Variants in FNTB observed in about 807,000 individuals in gnomAD.
FNTB encodes the protein farnesyltransferase, CAAX box, subunit beta, also known as protein farnesyltransferase subunit beta.
Under a neutral mutation model 59.4 loss-of-function variants are expected in FNTB, and 27 were observed. The observed-to-expected ratio is 0.45, with a 90% CI of 0.34 to 0.63. FNTB has a LOEUF of 0.63. FNTB is among the 20% of genes least tolerant of loss of function. The pLI, the probability that FNTB is intolerant of heterozygous loss-of-function variation, is 0.02. For synonymous variants in FNTB, 230 were observed against 220.7 expected (o/e 1.04, Z -0.37); for missense variants, 449 against 559.6 (o/e 0.80, Z 1.99).
chr14:64,999,479 T>G (rs1454708405), intron 1 of FNTB, among the ~76,000 whole-genome samples: 1 of 152,140 alleles, frequency 6.6e-6, no homozygotes, highest in Non-Finnish European at 1.5e-5. Flanking sequence ...GTGGGGAGAA[T>G]GATAAACTGG....
Position 64,989,158 on chromosome 14 carries a change from A to G in FNTB, c.144+2061A>G, listed in dbSNP as rs921460138. On this transcript the variant is annotated intron_variant, in intron 1 of 11. Transcript: ENST00000246166. ...AGCTCAATTTTGTGCCATTGCCAGTAAAAACAAATTGATGGCTGACACCTG... is the reference window on the plus strand; with the variant it reads ...AGCTCAATTTTGTGCCATTGCCAGTGAAAACAAATTGATGGCTGACACCTG... Among the ~76,000 whole-genome samples, 7 of 152,016 alleles carry G rather than the reference A, an allele frequency of 4.6e-5. No individual in the cohort carries two copies. The East Asian group carries it at 5.8e-4, about 13-fold the overall frequency.
At chr14:65,050,481 C>G (rs1190674794) in intron 9 of FNTB, among the ~76,000 whole-genome samples, 1 of 152,224 alleles carries the variant, frequency 6.6e-6, no homozygotes, top group African/African-American at 2.4e-5. Flanking sequence ...ATCCAAGGTA[C>G]TCAGGAGGCT....
intron 2 of FNTB, chr14:65,006,213 G>A (rs2139486821): frequency 6.2e-7 from 1 of 1,610,640 alleles, no homozygotes; most frequent in Non-Finnish European, 8.5e-7. Context: ...ATTAGCCATG[G>A]CAGAAAACAG....
intron 7 of FNTB, among the ~76,000 whole-genome samples, chr14:65,040,501 T>C (rs1004265172): frequency 1.1e-4 from 16 of 151,774 alleles, no homozygotes; most frequent in African/African-American, 3.9e-4. Context: ...AGCACAATGG[T>C]GTGATCATAG....
chr14:65,006,180 A>G (rs780640005), intron 2 of FNTB: 4 of 1,552,060 alleles, frequency 2.6e-6, no homozygotes, highest in Non-Finnish European at 2.6e-6. Context: ...TTTTGCCACC[A>G]TTTCCTTAAG....
Position 65,027,643 on chromosome 14 carries a change from C to G in FNTB, c.521+44C>G. The G allele has an allele frequency of 6.2e-7, 1 of 1,613,966 alleles. No individual in the cohort carries two copies. Among genetic ancestry groups the G allele is most frequent in the South Asian group, 1.1e-5 (1 of 91,046 alleles). ...GTGACAGAAACCTAGAGGAGTTCCCCGCCTGCTGACACGCACTGACTGTTG... is the reference window on the plus strand; with the variant it reads ...GTGACAGAAACCTAGAGGAGTTCCCGGCCTGCTGACACGCACTGACTGTTG... On this transcript the variant is annotated intron_variant, in intron 5 of 11. Coordinates refer to ENST00000246166, the MANE Select transcript of FNTB (RefSeq NM_002028.4). This position sits in a 1 kb window ranked among gnomAD's most constrained non-coding sequence, Gnocchi z 5.7.
At chr14:65,050,485 G>A (rs1198310614) in intron 9 of FNTB, among the ~76,000 whole-genome samples, 2 of 152,164 alleles carry the variant, frequency 1.3e-5, no homozygotes, top group African/African-American at 4.8e-5. Context: ...AAGGTACTCA[G>A]GAGGCTGAGA....
chr14:65,037,194 C>G (rs2062212106), intron 7 of FNTB, among the ~76,000 whole-genome samples: 1 of 151,086 alleles, frequency 6.6e-6, no homozygotes, highest in Admixed American at 6.6e-5. Flanking sequence ...ACCTCTGCCT[C>G]TCAGGTTCCA....
chr14:65,061,646 G>T lies in FNTB; in HGVS notation c.*334G>T. On this transcript the variant is annotated 3_prime_UTR_variant, in exon 12 of 12. Coordinates refer to ENST00000246166, the MANE Select transcript of FNTB (RefSeq NM_002028.4). ...GAGATGAATGGCATCTGAGTATTAC[G>T]GCATCCAGAGCCACTGCTGACTCCC... The T allele has an allele frequency of 4.3e-6, 1 of 231,146 alleles. No individual in the cohort carries two copies. Among genetic ancestry groups the T allele is most frequent in the South Asian group, 7.1e-5 (1 of 14,036 alleles). 14.3% of individuals were successfully genotyped at this position (231,146 alleles called of 1,614,324 possible).
In FNTB at chr14:65,023,455, C is replaced by T. The variant is rs551288131; in HGVS notation, c.375-3998C>T. 4.6e-5 allele frequency among the ~76,000 whole-genome samples: 7 copies of T among 152,318 alleles called. No homozygotes were observed. In the East Asian group the frequency reaches 7.7e-4, roughly 17 times the overall value. On this transcript the variant is annotated intron_variant, in intron 4 of 11. Transcript: ENST00000246166. The surrounding 1 kb of genome is among the most constrained non-coding windows in gnomAD (Gnocchi z 4.1). ...CAATCGCTGATATCCCTGCTTTGAACTTGACCCTCTTACAAGATTTACATA... is the reference window on the plus strand; with the variant it reads ...CAATCGCTGATATCCCTGCTTTGAATTTGACCCTCTTACAAGATTTACATA...
Position 65,061,194 on chromosome 14 carries a change from C to T in FNTB, c.1196C>T (p.Pro399Leu). 3 of 1,614,078 alleles carry T rather than the reference C, an allele frequency of 1.9e-6. No homozygotes were observed. The highest frequency in any genetic ancestry group is 2.5e-6 in the Non-Finnish European group (3 of 1,179,986). ...TTCTCTTTGCAGCAGCCCACTCACC[C>T]AGTGTACAACATTGGACCAGACAAG... ...VPENALQPTH[P>L]VYNIGPDKVI... The change falls in exon 12 of 12, where the codon CCA becomes CTA. Residue 399 changes from proline (P) to leucine (L), a missense_variant. Physicochemically the swap from Pro to Leu is moderately conservative, Grantham distance 98. Transcript: ENST00000246166.
intron 1 of FNTB, among the ~76,000 whole-genome samples, chr14:64,989,765 TAAAC>T (rs920185624): frequency 3.9e-5 from 6 of 152,348 alleles, no homozygotes; most frequent in African/African-American, 1.2e-4. Context: ...CATAAGTTGT[TAAAC>T]AAAAGAGGCC....
At chr14:65,024,460 A>G (rs1056958297) in intron 4 of FNTB, among the ~76,000 whole-genome samples, 1 of 152,240 alleles carries the variant, frequency 6.6e-6, no homozygotes, top group Admixed American at 6.5e-5. Context: ...CCACCTCAGC[A>G]GGACTGGGTC....
At chr14:65,000,541 C>A (rs1594990387) in intron 1 of FNTB, among the ~76,000 whole-genome samples, 1 of 152,018 alleles carries the variant, frequency 6.6e-6, no homozygotes, top group Non-Finnish European at 1.5e-5. Flanking sequence ...TTACCCAGGG[C>A]CAGGTGAGGT....
chr14:65,052,482 T>A (rs2139671992), intron 9 of FNTB, among the ~76,000 whole-genome samples: 1 of 152,362 alleles, frequency 6.6e-6, no homozygotes, highest in South Asian at 2.1e-4. Flanking sequence ...ATATTTTTAA[T>A]CGATTTCTAT....
chr14:65,010,042 A>G (rs531244126), intron 2 of FNTB, among the ~76,000 whole-genome samples: 4 of 152,012 alleles, frequency 2.6e-5, no homozygotes, highest in South Asian at 2.1e-4. Context: ...CTTGTTTACA[A>G]TTTGCCTTCA....
At chr14:65,051,068 T>C (rs967921781) in intron 9 of FNTB, among the ~76,000 whole-genome samples, 3 of 152,234 alleles carry the variant, frequency 2.0e-5, no homozygotes, top group Admixed American at 1.3e-4. Flanking sequence ...TATCAAAGCA[T>C]GTGGCCTGCA....
At position 65,029,115 on chromosome 14, in the gene FNTB, T is replaced by G. The variant is rs2062034950; in HGVS notation, c.605+1334T>G. Reference sequence around the variant, plus strand: ...CCCCTGCCAAGCACTGTAGCCATATTCTTCCCTGACCTTTGCTCTTTGGGT... The same window carrying G: ...CCCCTGCCAAGCACTGTAGCCATATGCTTCCCTGACCTTTGCTCTTTGGGT... On this transcript the variant is annotated intron_variant, in intron 6 of 11. Transcript: ENST00000246166. This position sits in a 1 kb window ranked among gnomAD's most constrained non-coding sequence, Gnocchi z 4.7. 6.6e-6 allele frequency among the ~76,000 whole-genome samples: 1 copy of G among 152,242 alleles called. No homozygotes were observed. The highest frequency in any genetic ancestry group is 1.5e-5 in the Non-Finnish European group (1 of 68,050).
rs188060211 is a variant in FNTB at position 65,027,416 on chromosome 14, C to G, written c.375-37C>G. On this transcript the variant is annotated intron_variant, in intron 4 of 11. Coordinates refer to ENST00000246166, the MANE Select transcript of FNTB (RefSeq NM_002028.4). This position sits in a 1 kb window ranked among gnomAD's most constrained non-coding sequence, Gnocchi z 5.7. ...AATTTGGTGTTTTGACATGAATGCT[C>G]TCTGACTTTGTTTTTGCCCTTTGGC... is the stretch of plus-strand genomic sequence containing the variant. 3,457 of 1,611,042 alleles carry G rather than the reference C, an allele frequency of 2.1e-3. 8 individuals are homozygous for G. Among genetic ancestry groups the G allele is most frequent in the Non-Finnish European group, 2.5e-3 (2,992 of 1,178,368 alleles).
Sources: gnomAD v4.1 joint callset for allele counts (sites outside exome capture counted in the v4.1 genomes callset) on GRCh38, gnomAD v4.1.1 for gene constraint, Gnocchi (gnomAD v3.1) non-coding constraint, MANE v1.5 for transcripts, NCBI Gene and HGNC (gene_info 2026-07-23, HGNC 2026-07-21) for gene names.